Variants in STYXL1 observed in about 807,000 individuals in gnomAD.
The protein encoded by STYXL1 is serine/threonine/tyrosine-interacting-like protein 1.
Under a neutral mutation model 36.4 loss-of-function variants are expected in STYXL1, and 32 were observed. The ratio of observed to expected loss-of-function variants is 0.88; its 90% CI spans 0.66 to 1.18. The LOEUF (loss-of-function observed/expected upper bound fraction) is 1.18, where lower values mean the gene tolerates loss of function less well. Among genes scored for constraint, STYXL1 ranks in the 50% most tolerant of loss-of-function variants. STYXL1 has a pLI of 0.00. For synonymous variants in STYXL1, 133 were observed against 144.1 expected (o/e 0.92, Z 0.55); for missense variants, 354 against 394.1 (o/e 0.90, Z 0.86).
chr7:76,010,669 G>A (rs1221577706), intron 5 of STYXL1, among the ~76,000 whole-genome samples: 2 of 152,128 alleles, frequency 1.3e-5, no homozygotes, highest in African/African-American at 4.8e-5. Flanking sequence ...CTAACACGCA[G>A]CCAGGCACAC....
chr7:76,023,457 G>A (rs1794312725), intron 3 of STYXL1, among the ~76,000 whole-genome samples: 1 of 152,028 alleles, frequency 6.6e-6, no homozygotes, highest in Admixed American at 6.6e-5. Context: ...TTGAATTCCT[G>A]GGCTCAAATG....
chr7:76,034,315 C>T lies in STYXL1; in HGVS notation c.-4-3788G>A, dbSNP rs534903501. Among the ~76,000 whole-genome samples, 36 of 152,130 alleles carry T rather than the reference C, an allele frequency of 2.4e-4. No individual in the cohort carries two copies. In the South Asian group the frequency reaches 7.1e-3, roughly 30 times the overall value. Reference sequence around the variant, plus strand: ...TCTCACTATGTTGCCCAGGCTGGTTCCCCTGGAGCTTCCAACCCTACCAAA... The same window carrying T: ...TCTCACTATGTTGCCCAGGCTGGTTTCCCTGGAGCTTCCAACCCTACCAAA... On this transcript the variant is annotated intron_variant, in intron 1 of 8. Transcript: ENST00000359697.
chr7:76,034,776 C>A (rs1585322447), intron 1 of STYXL1, among the ~76,000 whole-genome samples: 1 of 152,140 alleles, frequency 6.6e-6, no homozygotes, highest in East Asian at 1.9e-4. Flanking sequence ...GAAAGTATCT[C>A]CAGACATCAC....
chr7:76,012,701 A>G (rs1792704422), intron 5 of STYXL1, among the ~76,000 whole-genome samples: 1 of 151,870 alleles, frequency 6.6e-6, no homozygotes, highest in Non-Finnish European at 1.5e-5. Flanking sequence ...AGCTCCATTT[A>G]TTGATTTTTT....
intron 5 of STYXL1, 86 bp downstream of exon 5, chr7:76,013,656 T>A: frequency 6.3e-7 from 1 of 1,577,900 alleles, no homozygotes; most frequent in East Asian, 2.2e-5. Context: ...CCCATCCTCC[T>A]GTTTCTCCCA....
At chr7:76,041,134 C>T (rs921580152) in intron 1 of STYXL1, among the ~76,000 whole-genome samples, 19 of 143,806 alleles carry the variant, frequency 1.3e-4, no homozygotes, top group African/African-American at 4.9e-4. Context: ...GCCAGGAATT[C>T]AAGACCAGCC....
rs60118008 is a variant in STYXL1, at chr7:76,046,339, TGCGCGCGCGC to T, written c.-5+1313_-5+1322del. Reference sequence around the variant, plus strand: ...GTGTGTGTGTGTGTGTGTGTGTGTGTGCGCGCGCGCGCGCGCGCGCTTTTGAGCCGGAGTT... The same window carrying T: ...GTGTGTGTGTGTGTGTGTGTGTGTGTGCGCGCGCGCTTTTGAGCCGGAGTT... On this transcript the variant is annotated intron_variant, in intron 1 of 8. Transcript: ENST00000359697. Among the ~76,000 whole-genome samples, 170 of 44,868 alleles carry T rather than the reference TGCGCGCGCGC, an allele frequency of 3.8e-3. 4 individuals carry two copies. The highest frequency in any genetic ancestry group is 0.026 in the East Asian group (22 of 850). The allele number at this position is 44,868 out of a possible 152,430, so 29.4% of individuals were successfully genotyped here.
chr7:76,013,615 G>C (rs1271135550), intron 5 of STYXL1, 127 bp downstream of exon 5: 3 of 1,388,298 alleles, frequency 2.2e-6, no homozygotes, highest in Non-Finnish European at 3.0e-6. Context: ...AGTATAGACA[G>C]AATCTCCTCC....
At chr7:76,016,878 T>G (rs1218926919) in intron 4 of STYXL1, among the ~76,000 whole-genome samples, 1 of 152,120 alleles carries the variant, frequency 6.6e-6, no homozygotes, top group Non-Finnish European at 1.5e-5. Context: ...GCAATCCCAT[T>G]ACTATGTACA....
intron 6 of STYXL1, 30 bp from the exon 7 acceptor site, chr7:76,003,885 G>T: frequency 1.2e-6 from 2 of 1,607,714 alleles, no homozygotes; most frequent in Non-Finnish European, 1.7e-6. Flanking sequence ...AGGTCATCAG[G>T]TGGAATGCAG....
chr7:76,042,390 CTTTTTTTTTTTTTTT>C (rs528469396), intron 1 of STYXL1, among the ~76,000 whole-genome samples: 6,348 of 42,082 alleles, frequency 0.15, 490 homozygotes, highest in East Asian at 0.38. Context: ...CCCTTATGTG[CTTTTTTTTTTTTTTT>C]TTTTTTTTTT....
At chr7:76,019,579 C>T (rs191277514) in intron 4 of STYXL1, among the ~76,000 whole-genome samples, 8 of 152,044 alleles carry the variant, frequency 5.3e-5, no homozygotes, top group Non-Finnish European at 7.4e-5. Flanking sequence ...GCTGGGATTA[C>T]GAGTGTGAGG....
At chr7:76,002,791 G>T (rs1459448507) in intron 7 of STYXL1, among the ~76,000 whole-genome samples, 1 of 152,166 alleles carries the variant, frequency 6.6e-6, no homozygotes, top group Non-Finnish European at 1.5e-5. Context: ...GGACGTGGTG[G>T]TGCATGCCTG....
intron 3 of STYXL1, among the ~76,000 whole-genome samples, chr7:76,022,957 AAAACAAAC>A (rs533873374): frequency 1.3e-5 from 2 of 152,106 alleles, no homozygotes. Flanking sequence ...AAAACAAAAC[AAAACAAAC>A]AAACAAACAA....
intron 1 of STYXL1, among the ~76,000 whole-genome samples, chr7:76,046,888 T>G (rs536632573): frequency 9.3e-5 from 14 of 151,300 alleles, no homozygotes; most frequent in African/African-American, 3.1e-4. Context: ...TGGCCTCAAG[T>G]GATCGGCCCG....
chr7:76,002,183 A>C (rs2116759549), intron 7 of STYXL1, among the ~76,000 whole-genome samples: 1 of 152,284 alleles, frequency 6.6e-6, no homozygotes, highest in East Asian at 1.9e-4. Context: ...CGGTGTCCTC[A>C]TCTGGAAAAC....
At chr7:76,046,339 T>TGTGTGTGC (rs1797056612) in intron 1 of STYXL1, among the ~76,000 whole-genome samples, 9 of 44,934 alleles carry the variant, frequency 2.0e-4, no homozygotes, top group African/African-American at 5.1e-4. Context: ...TGTGTGTGTG[T>TGTGTGTGC]GCGCGCGCGC....
At chr7:76,016,532 T>C (rs1793401602) in intron 4 of STYXL1, among the ~76,000 whole-genome samples, 1 of 151,970 alleles carries the variant, frequency 6.6e-6, no homozygotes, top group Non-Finnish European at 1.5e-5. Context: ...ATTAGTTCTG[T>C]CCCTCTAGAG....
At chr7:76,011,113 G>A (rs988518477) in intron 5 of STYXL1, among the ~76,000 whole-genome samples, 1 of 152,152 alleles carries the variant, frequency 6.6e-6, no homozygotes, top group Non-Finnish European at 1.5e-5. Flanking sequence ...CTACTCAAGA[G>A]GCTGAGGCTG....
Sources: allele counts gnomAD v4.1 joint callset (sites outside exome capture counted in the v4.1 genomes callset), GRCh38; gene constraint gnomAD v4.1.1; transcripts MANE v1.5; gene names NCBI Gene and HGNC (gene_info 2026-07-23, HGNC 2026-07-21).